Variants in TANGO2 observed in about 807,000 individuals in gnomAD.
The protein encoded by TANGO2 is transport and Golgi organization protein 2 homolog.
In TANGO2, 26 loss-of-function variants were observed where a neutral mutation model predicts 39.1. The ratio of observed to expected loss-of-function variants is 0.67; its 90% CI spans 0.49 to 0.92. The LOEUF is 0.92. Among genes scored for constraint, TANGO2 ranks in the 40% least tolerant of loss-of-function variants. The pLI is 0.00. For missense variants in TANGO2, 326 were observed against 360.1 expected, an observed-to-expected ratio of 0.91 and a Z score of 0.77; for synonymous variants, 131 against 144.5, an observed-to-expected ratio of 0.91 and a Z score of 0.67.
chr22:20,062,371 G>A (rs984014591), intron 7 of TANGO2, among the ~76,000 whole-genome samples: 3 of 152,018 alleles, frequency 2.0e-5, no homozygotes, highest in Non-Finnish European at 2.9e-5. Context: ...GTGATCCAGC[G>A]TCCACTCCCA....
Position 20,033,064 on chromosome 22 carries a change from A to C in TANGO2, c.-39-3696A>C, listed in dbSNP as rs1175186329. The stretch of plus-strand genomic sequence containing the variant: ...CAAGGTCACAGGTCGGGGGAGGTGA[A>C]GCTGGCAGGGGGAGGGGGAGACCTG... On this transcript the variant is annotated intron_variant, in intron 1 of 8. Coordinates refer to ENST00000327374, the MANE Select transcript of TANGO2 (RefSeq NM_152906.7). 4 of 407,510 alleles carry C rather than the reference A, an allele frequency of 9.8e-6. No homozygotes were observed. The Admixed American group carries it at 1.2e-4, about 13-fold the overall frequency. 25.2% of individuals were successfully genotyped at this position (407,510 alleles called of 1,614,324 possible).
intron 1 of TANGO2, among the ~76,000 whole-genome samples, chr22:20,027,265 A>G (rs1299472522): frequency 6.6e-6 from 1 of 152,340 alleles, no homozygotes; most frequent in East Asian, 1.9e-4. Flanking sequence ...ATCGCCTCCC[A>G]CCAGGTCCTG....
intron 3 of TANGO2, 132 bp from the exon 4 acceptor site, chr22:20,052,333 A>G: frequency 7.4e-7 from 1 of 1,352,834 alleles, no homozygotes; most frequent in East Asian, 2.5e-5. Flanking sequence ...CTGCTGGGCC[A>G]AGCCGCATGT....
chr22:20,035,660 T>A (rs1306858475), intron 1 of TANGO2, among the ~76,000 whole-genome samples: 1 of 152,064 alleles, frequency 6.6e-6, no homozygotes, highest in Non-Finnish European at 1.5e-5. Flanking sequence ...GGCCTTCGGG[T>A]CCTGTGGGAT....
intron 3 of TANGO2, among the ~76,000 whole-genome samples, chr22:20,046,055 C>T (rs185881446): frequency 1.3e-5 from 2 of 152,264 alleles, no homozygotes; most frequent in Non-Finnish European, 1.5e-5. Context: ...GCTGATCAGA[C>T]ATTCTCTGTG....
chr22:20,039,216 G>A (rs1398705728), intron 2 of TANGO2, among the ~76,000 whole-genome samples: 1 of 151,154 alleles, frequency 6.6e-6, no homozygotes, highest in African/African-American at 2.4e-5. Flanking sequence ...TTACATGCGT[G>A]AGCCACCATG....
Position 20,058,627 on chromosome 22 carries a change from G to A in TANGO2, c.451+2614G>A, listed in dbSNP as rs148529668. Among the ~76,000 whole-genome samples, 1,242 of 149,238 alleles carry A rather than the reference G, an allele frequency of 8.3e-3. 21 individuals carry two copies. The highest frequency in any genetic ancestry group is 0.029 in the African/African-American group (1,166 of 40,598). On this transcript the variant is annotated intron_variant, in intron 6 of 8. Coordinates refer to ENST00000327374, the MANE Select transcript of TANGO2 (RefSeq NM_152906.7). The stretch of plus-strand genomic sequence containing the variant: ...ACTGTACTCCAGCCTGGGCGACAGA[G>A]TGAGATTGCATCTCAAAAAAAAAAA...
At chr22:20,041,576 T>A (rs2043945293) in intron 2 of TANGO2, among the ~76,000 whole-genome samples, 1 of 151,950 alleles carries the variant, frequency 6.6e-6, no homozygotes, top group South Asian at 2.1e-4. Flanking sequence ...CCTCTCAAAG[T>A]GCTGGGATTA....
chr22:20,056,547 C>T (rs1226172821), intron 6 of TANGO2: 1 of 456,682 alleles, frequency 2.2e-6, no homozygotes, highest in African/African-American at 2.0e-5. Context: ...TGGCTCTGCA[C>T]CACTGCCCAG....
At chr22:20,037,071 C>T (rs752064486) in intron 2 of TANGO2, 27 of 1,532,976 alleles carry the variant, frequency 1.8e-5, no homozygotes, top group Non-Finnish European at 2.2e-5. Context: ...GACGTGAAGA[C>T]TCAGCCACAG....
chr22:20,025,056 CT>C (rs796476788), intron 1 of TANGO2, among the ~76,000 whole-genome samples: 1 of 149,372 alleles, frequency 6.7e-6, no homozygotes, highest in Non-Finnish European at 1.5e-5. Flanking sequence ...TGTACATTTT[CT>C]TTTTTTTTGC....
chr22:20,024,418 C>T (rs1160002978), intron 1 of TANGO2, among the ~76,000 whole-genome samples: 5 of 152,180 alleles, frequency 3.3e-5, no homozygotes, highest in South Asian at 4.1e-4. Flanking sequence ...TGACAGCCAC[C>T]GGGAGCCCGC....
chr22:20,046,242 C>G (rs1243365022), intron 3 of TANGO2, among the ~76,000 whole-genome samples: 1 of 151,960 alleles, frequency 6.6e-6, no homozygotes, highest in South Asian at 2.1e-4. Context: ...AACTCCTGGC[C>G]TCAAGTGATC....
intron 5 of TANGO2, chr22:20,055,635 C>G (rs111594986): frequency 8.8e-5 from 41 of 466,142 alleles, no homozygotes; most frequent in Admixed American, 1.4e-4. Flanking sequence ...TCCCCATGGG[C>G]AGCCTCTGTG....
At chr22:20,053,850 G>A (rs867121017) in intron 5 of TANGO2, 7 of 447,166 alleles carry the variant, frequency 1.6e-5, no homozygotes, top group African/African-American at 2.0e-5. Context: ...TCCCTCCCAC[G>A]GGCAGGCTGT....
chr22:20,024,988 C>T (rs1264020489), intron 1 of TANGO2, among the ~76,000 whole-genome samples: 3 of 151,960 alleles, frequency 2.0e-5, no homozygotes, highest in East Asian at 3.9e-4. Context: ...GCCCTTCCTT[C>T]CCTCTCTTCC....
chr22:20,022,698 G>C (rs185813784), intron 1 of TANGO2, among the ~76,000 whole-genome samples: 1 of 152,258 alleles, frequency 6.6e-6, no homozygotes, highest in African/African-American at 2.4e-5. Flanking sequence ...CGGCTTCTGC[G>C]CCAGACGGCG....
chr22:20,063,463 C>T (rs957430028), intron 8 of TANGO2, 21 bp downstream of exon 8: 25 of 1,597,956 alleles, frequency 1.6e-5, no homozygotes, highest in African/African-American at 6.7e-5. Context: ...ACCGTGGGTG[C>T]GCCACCTCCT....
intron 1 of TANGO2, among the ~76,000 whole-genome samples, chr22:20,034,552 C>A (rs957197958): frequency 3.3e-5 from 5 of 152,140 alleles, no homozygotes; most frequent in African/African-American, 1.2e-4. Flanking sequence ...TCCTTGTACC[C>A]CCAGTGTGGA....
Sources: gnomAD v4.1 joint callset for allele counts (sites outside exome capture counted in the v4.1 genomes callset) on GRCh38, gnomAD v4.1.1 for gene constraint, MANE v1.5 for transcripts, NCBI Gene and HGNC (gene_info 2026-07-23, HGNC 2026-07-21) for gene names.